SUGCT: variants seen among roughly 807,000 people sequenced by gnomAD.
SUGCT encodes the protein succinyl-CoA:glutarate CoA-transferase.
Under a neutral mutation model 55.0 loss-of-function variants are expected in SUGCT, and 41 were observed. The ratio of observed to expected loss-of-function variants is 0.74; its 90% CI spans 0.58 to 0.97. The LOEUF is 0.97. SUGCT is among the 50% of genes least tolerant of loss of function. SUGCT has a pLI of 0.00. For synonymous variants in SUGCT, 187 were observed against 200.4 expected (o/e 0.93, Z 0.56); for missense variants, 568 against 547.8 (o/e 1.04, Z -0.37).
intron 9 of SUGCT, among the ~76,000 whole-genome samples, chr7:40,348,122 C>T (rs576842816): frequency 9.7e-4 from 147 of 152,254 alleles, no homozygotes; most frequent in Middle Eastern, 3.4e-3. Flanking sequence ...ACGGGGGTTG[C>T]GGGGAGACAG....
intron 13 of SUGCT, among the ~76,000 whole-genome samples, chr7:40,846,953 A>C (rs1793585588): frequency 6.6e-6 from 1 of 152,204 alleles, no homozygotes; most frequent in African/African-American, 2.4e-5. Context: ...AATATATAGA[A>C]AGCATTATGC....
chr7:40,162,971 C>T (rs1268514004), intron 1 of SUGCT, among the ~76,000 whole-genome samples: 2 of 152,108 alleles, frequency 1.3e-5, no homozygotes, highest in Non-Finnish European at 2.9e-5. Flanking sequence ...CAAATTAGCC[C>T]AATCTCAGTT....
the SUGCT span, among the ~76,000 whole-genome samples, chr7:40,894,788 A>T: frequency 1.3e-5 from 2 of 152,210 alleles, no homozygotes; most frequent in Non-Finnish European, 2.9e-5. Flanking sequence ...CAGAATGGCT[A>T]TTATTAAAAA....
intron 7 of SUGCT, among the ~76,000 whole-genome samples, chr7:40,272,899 A>AT (rs34172360): frequency 0.38 from 57,762 of 151,476 alleles, 11,048 homozygotes; most frequent in East Asian, 0.47. Context: ...ACTTCAGGTG[A>AT]TCTACTCGCC....
At chr7:40,994,409 T>A in the SUGCT span, among the ~76,000 whole-genome samples, 1 of 65,098 alleles carries the variant, frequency 1.5e-5, no homozygotes, top group Non-Finnish European at 4.1e-5. Context: ...CACCCCCCCA[T>A]TTTGGAAGCC....
intron 12 of SUGCT, among the ~76,000 whole-genome samples, chr7:40,507,251 T>A (rs1229807978): frequency 6.6e-6 from 1 of 152,188 alleles, no homozygotes; most frequent in Non-Finnish European, 1.5e-5. Context: ...GAAATGTTCC[T>A]CGCCACCCAC....
At chr7:40,291,806 T>G (rs890908908) in intron 8 of SUGCT, among the ~76,000 whole-genome samples, 1 of 152,122 alleles carries the variant, frequency 6.6e-6, no homozygotes, top group Non-Finnish European at 1.5e-5. Context: ...GGGAGTCTTA[T>G]AGTTTGCGAT....
At chr7:41,036,518 T>C in the SUGCT span, among the ~76,000 whole-genome samples, 5 of 152,162 alleles carry the variant, frequency 3.3e-5, no homozygotes, top group African/African-American at 1.2e-4. Context: ...TTCTCCTCTC[T>C]TCCGATTTCT....
At chr7:40,888,310 A>G in the SUGCT span, among the ~76,000 whole-genome samples, 2 of 152,100 alleles carry the variant, frequency 1.3e-5, no homozygotes, top group Non-Finnish European at 2.9e-5. Flanking sequence ...AAGTAGAAAG[A>G]AAGGTACTTT....
the SUGCT span, among the ~76,000 whole-genome samples, chr7:40,876,140 T>C: frequency 1.3e-5 from 2 of 152,194 alleles, no homozygotes; most frequent in African/African-American, 4.8e-5. Flanking sequence ...TTGAATTGCT[T>C]TTTGTTTGTT....
chr7:40,692,934 C>G (rs1276011731), intron 12 of SUGCT, among the ~76,000 whole-genome samples: 1 of 152,046 alleles, frequency 6.6e-6, no homozygotes, highest in East Asian at 1.9e-4. Context: ...AGGAAAATGA[C>G]CTGTTTAAGG....
intron 7 of SUGCT, among the ~76,000 whole-genome samples, chr7:40,240,987 G>A (rs1025091841): frequency 6.6e-6 from 1 of 152,228 alleles, no homozygotes; most frequent in African/African-American, 2.4e-5. Flanking sequence ...AAGAAGGGCA[G>A]TGTCACTGGA....
intron 1 of SUGCT, among the ~76,000 whole-genome samples, chr7:40,156,427 C>T (rs550983654): frequency 2.2e-3 from 341 of 152,116 alleles, no homozygotes; most frequent in Non-Finnish European, 3.6e-3. Flanking sequence ...CACGCTACTG[C>T]ACTCCAGCCT....
chr7:40,400,634 C>T (rs17171710), intron 9 of SUGCT, among the ~76,000 whole-genome samples: 16,776 of 152,186 alleles, frequency 0.11, 1,388 homozygotes, highest in East Asian at 0.48. Context: ...ACTTCTGTGA[C>T]AGGAGCAGTG....
chr7:40,155,096 G>A lies in SUGCT; in HGVS notation c.100+19976G>A, dbSNP rs183120020. 8.1e-4 allele frequency among the ~76,000 whole-genome samples: 124 copies of A among 152,194 alleles called. 1 individual carries two copies. Among genetic ancestry groups the A allele is most frequent in the Middle Eastern group, 3.4e-3 (1 of 292 alleles). ...AGGTCAGGAGTTGGAGACCAGCCTC[G>A]CCAACATGGGAAACCCCGTCTCTAC... On this transcript the variant is annotated intron_variant, in intron 1 of 13. Coordinates refer to ENST00000335693, the MANE Select transcript of SUGCT (RefSeq NM_001193313.2).
At chr7:40,599,268 G>C (rs1410629764) in intron 12 of SUGCT, among the ~76,000 whole-genome samples, 6 of 152,166 alleles carry the variant, frequency 3.9e-5, no homozygotes, top group African/African-American at 1.2e-4. Context: ...TGTGGGTAGC[G>C]TGTGTATTCT....
At chr7:40,239,039 T>G (rs1318891317) in intron 7 of SUGCT, among the ~76,000 whole-genome samples, 3 of 152,134 alleles carry the variant, frequency 2.0e-5, no homozygotes, top group Admixed American at 6.6e-5. Context: ...CAGGCTGGTC[T>G]TGAACTCCTT....
the SUGCT span, among the ~76,000 whole-genome samples, chr7:41,024,524 A>G: frequency 6.6e-6 from 1 of 152,294 alleles, no homozygotes; most frequent in Non-Finnish European, 1.5e-5. Context: ...AAAATGGCAA[A>G]GGATATAAAT....
chr7:40,268,271 G>A (rs1025930240), intron 7 of SUGCT, among the ~76,000 whole-genome samples: 1 of 152,028 alleles, frequency 6.6e-6, no homozygotes, highest in African/African-American at 2.4e-5. Flanking sequence ...TCCTGCCTCC[G>A]CCCAGCCCCT....
Sources: allele counts gnomAD v4.1 joint callset (sites outside exome capture counted in the v4.1 genomes callset), GRCh38; gene constraint gnomAD v4.1.1; transcripts MANE v1.5; gene names NCBI Gene and HGNC (gene_info 2026-07-23, HGNC 2026-07-21).